Variants in BEAN1 observed in about 807,000 individuals in gnomAD.
BEAN1 encodes the protein protein BEAN1.
In BEAN1, 17 loss-of-function variants were observed where a neutral mutation model predicts 17.7. That is an observed-to-expected ratio of 0.96 (90% CI 0.66 to 1.44). The LOEUF (loss-of-function observed/expected upper bound fraction) is 1.44, where lower values mean the gene tolerates loss of function less well. Ranked by LOEUF, BEAN1 falls within the 40% of genes most tolerant of loss-of-function variation. BEAN1 has a pLI of 0.00. For missense variants in BEAN1, 359 were observed against 374.1 expected, an observed-to-expected ratio of 0.96 and a Z score of 0.33; for synonymous variants, 142 against 151.8, an observed-to-expected ratio of 0.94 and a Z score of 0.47.
At chr16:66,476,230 G>T (rs546652927) in intron 3 of BEAN1, 1 of 152,322 alleles carries the variant, frequency 6.6e-6, no homozygotes, top group South Asian at 2.1e-4. Context: ...AGCTTTCTCG[G>T]TGTCGGTATA....
At chr16:66,475,273 G>A (rs1567505885) in intron 3 of BEAN1, among the ~76,000 whole-genome samples, 1 of 152,090 alleles carries the variant, frequency 6.6e-6, no homozygotes. Context: ...GATGTCTCAG[G>A]TTTGGGGTCT....
intron 2 of BEAN1, among the ~76,000 whole-genome samples, chr16:66,465,024 C>G (rs1268722543): frequency 6.6e-6 from 1 of 152,200 alleles, no homozygotes; most frequent in African/African-American, 2.4e-5. Context: ...ACCATGTTAT[C>G]TGTGAGTCTT....
intron 2 of BEAN1, 34 bp downstream of exon 2, chr16:66,437,735 G>A (rs1240148124): frequency 2.6e-6 from 4 of 1,527,796 alleles, no homozygotes. Flanking sequence ...CCACCACTTG[G>A]GGCCAGGCAA....
chr16:66,492,660 C>T (rs1420313216), intron 4 of BEAN1, among the ~76,000 whole-genome samples: 1 of 152,068 alleles, frequency 6.6e-6, no homozygotes, highest in African/African-American at 2.4e-5. Flanking sequence ...AGGCTGGTCT[C>T]GAACTCCTGA....
chr16:66,462,572 C>T (rs192337592), intron 2 of BEAN1, among the ~76,000 whole-genome samples: 1,904 of 152,264 alleles, frequency 0.013, 26 homozygotes, highest in African/African-American at 0.026. Flanking sequence ...GAGGCCGAGG[C>T]GGGTGGATCA....
intron 4 of BEAN1, among the ~76,000 whole-genome samples, chr16:66,479,831 G>T (rs1963916865): frequency 6.6e-6 from 1 of 152,146 alleles, no homozygotes; most frequent in Non-Finnish European, 1.5e-5. Flanking sequence ...CCCTGTGCCT[G>T]TGATCATGCC....
intron 2 of BEAN1, among the ~76,000 whole-genome samples, chr16:66,457,546 T>C (rs1336839132): frequency 6.6e-6 from 1 of 152,188 alleles, no homozygotes; most frequent in African/African-American, 2.4e-5. Context: ...CCTCACCCCA[T>C]GATCCAAATG....
At chr16:66,439,212 G>A (rs1362328725) in intron 2 of BEAN1, among the ~76,000 whole-genome samples, 2 of 152,058 alleles carry the variant, frequency 1.3e-5, no homozygotes, top group African/African-American at 2.4e-5. Flanking sequence ...GGTGGAGCTC[G>A]GCCTGGCTGC....
intron 1 of BEAN1, chr16:66,428,144 G>A (rs1961652675): frequency 1.3e-5 from 2 of 152,368 alleles, no homozygotes; most frequent in African/African-American, 2.4e-5. Flanking sequence ...GCAGCGCTGA[G>A]TGGCACCGCC....
intron 2 of BEAN1, among the ~76,000 whole-genome samples, chr16:66,448,495 C>A (rs1442528727): frequency 6.6e-6 from 1 of 152,188 alleles, no homozygotes; most frequent in Non-Finnish European, 1.5e-5. Context: ...TCAGTGCAAG[C>A]TCAAGGAATG....
chr16:66,481,051 T>TTTTTTTTAATG lies in BEAN1; in HGVS notation c.*126_*127insTTTTTTTAATG. On this transcript the variant is annotated 3_prime_UTR_variant, in exon 5 of 5. Coordinates refer to ENST00000536005, the MANE Select transcript of BEAN1 (RefSeq NM_001178020.3). The surrounding 1 kb of genome is among the most constrained non-coding windows in gnomAD (Gnocchi z 4.1). ...ATAACACACACATAGACCAAACTTG[T>TTTTTTTTAATG]ATACACACAGACATCTACACTGACA... 1.4e-6 allele frequency: 1 copy of TTTTTTTTAATG among 691,074 alleles called. No individual in the cohort carries two copies. Among genetic ancestry groups the TTTTTTTTAATG allele is most frequent in the Non-Finnish European group, 2.2e-6 (1 of 460,732 alleles). 42.8% of individuals were successfully genotyped at this position (691,074 alleles called of 1,614,324 possible).
At chr16:66,493,995 T>C (rs1467197640), downstream of BEAN1, among the ~76,000 whole-genome samples, 1 of 152,146 alleles carries the variant, frequency 6.6e-6, no homozygotes, top group African/African-American at 2.4e-5. Flanking sequence ...TCTGGAGGTC[T>C]ACCCAGGCTC....
At chr16:66,470,037 G>A (rs747459895) in intron 3 of BEAN1, 172 bp downstream of exon 3, 252 of 915,150 alleles carry the variant, frequency 2.8e-4, no homozygotes, top group Admixed American at 3.8e-4. Flanking sequence ...TAATGTTCTC[G>A]GTGACATGAG....
intron 1 of BEAN1, among the ~76,000 whole-genome samples, chr16:66,428,957 A>G (rs1961689585): frequency 6.6e-6 from 1 of 152,136 alleles, no homozygotes; most frequent in Non-Finnish European, 1.5e-5. Context: ...ATCTCTCTCC[A>G]GGGTGAAAAG....
chr16:66,455,489 T>C (rs1333394131), intron 2 of BEAN1, among the ~76,000 whole-genome samples: 1 of 152,136 alleles, frequency 6.6e-6, no homozygotes, highest in African/African-American at 2.4e-5. Context: ...TCCCTGAGCT[T>C]CCTGGAGGCC....
chr16:66,463,988 G>GTCTA (rs1312227849), intron 2 of BEAN1, among the ~76,000 whole-genome samples: 2 of 152,156 alleles, frequency 1.3e-5, no homozygotes, highest in Non-Finnish European at 2.9e-5. Flanking sequence ...TTATTTATAT[G>GTCTA]TCTATCTCCA....
chr16:66,429,390 A>T (rs566416713), intron 1 of BEAN1, among the ~76,000 whole-genome samples: 1 of 152,042 alleles, frequency 6.6e-6, no homozygotes, highest in East Asian at 1.9e-4. Context: ...GGGACCTTAG[A>T]CCCAGAGCAG....
At chr16:66,464,703 T>C (rs1389520994) in intron 2 of BEAN1, among the ~76,000 whole-genome samples, 1 of 152,244 alleles carries the variant, frequency 6.6e-6, no homozygotes, top group Non-Finnish European at 1.5e-5. Context: ...CATTTTAGGT[T>C]TGGTCATTGC....
chr16:66,431,085 C>A (rs554757059), intron 1 of BEAN1, among the ~76,000 whole-genome samples: 243 of 152,312 alleles, frequency 1.6e-3, no homozygotes, highest in Non-Finnish European at 2.9e-3. Context: ...TAAAGCTTAT[C>A]AGTGAGTTCA....
Sources: gnomAD v4.1 joint callset for allele counts (sites outside exome capture counted in the v4.1 genomes callset) on GRCh38, gnomAD v4.1.1 for gene constraint, Gnocchi (gnomAD v3.1) non-coding constraint, MANE v1.5 for transcripts, NCBI Gene and HGNC (gene_info 2026-07-23, HGNC 2026-07-21) for gene names.